WRN: variants seen among roughly 807,000 people sequenced by gnomAD.
WRN encodes the protein WRN RecQ like helicase.
In WRN, 149 loss-of-function variants were observed where a neutral mutation model predicts 180.7. The ratio of observed to expected loss-of-function variants is 0.82; its 90% CI spans 0.72 to 0.94. The LOEUF (loss-of-function observed/expected upper bound fraction) is 0.94. WRN is among the 40% of genes least tolerant of loss of function. The pLI is 0.00. For missense variants in WRN, 1,661 were observed against 1,700.1 expected (o/e 0.98, Z 0.40); for synonymous variants, 548 against 568.9 (o/e 0.96, Z 0.52).
At chr8:31,102,997 T>A (rs1563352690) in intron 18 of WRN, among the ~76,000 whole-genome samples, 1 of 152,154 alleles carries the variant, frequency 6.6e-6, no homozygotes, top group Non-Finnish European at 1.5e-5. Context: ...GGCTTTATTT[T>A]AAAATTTTAT....
chr8:31,096,870 C>CTCTGTAAATA lies in WRN; in HGVS notation c.1981+21_1981+30dup, dbSNP rs772196979. ...ATATTGGTAAGTGATAAAGAAAGAT[C>CTCTGTAAATA]TCTGTAAATACTTACTGAGTTAATA... On this transcript the variant is annotated intron_variant, in intron 17 of 34. Coordinates refer to ENST00000298139, the MANE Select transcript of WRN (RefSeq NM_000553.6). 3 of 1,598,618 alleles carry CTCTGTAAATA rather than the reference C, an allele frequency of 1.9e-6. No homozygotes were observed. The highest frequency in any genetic ancestry group is 2.6e-6 in the Non-Finnish European group (3 of 1,166,494).
Position 31,157,424 on chromosome 8 carries a change from C to T in WRN, c.3876C>T (p.Ser1292=), listed in dbSNP as rs746666880. ...LPLMTIGMHL[S]QAVKAGCPLD... ...TCATGACAATTGGCATGCACTTATCCCAAGCGGTGAAAGCTGGCTGCCCCC... is the reference window on the plus strand; with the variant it reads ...TCATGACAATTGGCATGCACTTATCTCAAGCGGTGAAAGCTGGCTGCCCCC... The change falls in exon 33 of 35, where the codon TCC becomes TCT. Residue 1292 remains serine (S), a synonymous_variant. Transcript: ENST00000298139. 4 of 1,614,068 alleles carry T rather than the reference C, an allele frequency of 2.5e-6. No homozygotes were observed. In the South Asian group the frequency reaches 4.4e-5, roughly 18 times the overall value.
At chr8:31,050,566 C>T (rs566527345) in intron 1 of WRN, among the ~76,000 whole-genome samples, 10 of 141,266 alleles carry the variant, frequency 7.1e-5, no homozygotes, top group African/African-American at 2.6e-4. Flanking sequence ...TCTTGATTTT[C>T]AGTCCAGATT....
chr8:31,075,720 A>AGG (rs202032803), intron 7 of WRN, among the ~76,000 whole-genome samples: 1 of 133,528 alleles, frequency 7.5e-6, no homozygotes, highest in African/African-American at 3.2e-5. Context: ...ACTCTGTCTC[A>AGG]AAAAAAAAAA....
intron 1 of WRN, among the ~76,000 whole-genome samples, chr8:31,049,334 C>A (rs942696066): frequency 4.0e-5 from 6 of 149,816 alleles, no homozygotes; most frequent in Admixed American, 2.0e-4. Flanking sequence ...GAGTTCAAGA[C>A]CAGCCTGGGC....
intron 1 of WRN, among the ~76,000 whole-genome samples, chr8:31,038,028 G>C (rs1811514038): frequency 6.6e-6 from 1 of 151,680 alleles, no homozygotes; most frequent in Admixed American, 6.6e-5. Context: ...TCCACCTTTT[G>C]GCTATTGTGA....
intron 1 of WRN, among the ~76,000 whole-genome samples, chr8:31,050,509 CT>C (rs60531883): frequency 0.036 from 4,833 of 133,068 alleles, 90 homozygotes; most frequent in African/African-American, 0.081. Flanking sequence ...GTTTTGGATA[CT>C]TTTTTTTTTT....
chr8:31,101,787 CAAAAAAAAAAAAA>C (rs60342321), intron 18 of WRN, among the ~76,000 whole-genome samples: 6 of 42,056 alleles, frequency 1.4e-4, no homozygotes, highest in South Asian at 1.0e-3. Context: ...AACTCTGTCT[CAAAAAAAAAAAAA>C]AAAAAAAAAA....
chr8:31,117,876 A>G (rs1457243583), intron 20 of WRN, among the ~76,000 whole-genome samples: 1 of 152,154 alleles, frequency 6.6e-6, no homozygotes, highest in African/African-American at 2.4e-5. Context: ...TTAGAATAGA[A>G]ATTTTATCCA....
intron 18 of WRN, among the ~76,000 whole-genome samples, chr8:31,103,652 T>C (rs1182713286): frequency 6.6e-6 from 1 of 152,236 alleles, no homozygotes; most frequent in Non-Finnish European, 1.5e-5. Context: ...TGAAGAACTT[T>C]TGGGTTGTTT....
intron 1 of WRN, among the ~76,000 whole-genome samples, chr8:31,036,361 A>G (rs1194810259): frequency 6.6e-6 from 1 of 152,162 alleles, no homozygotes; most frequent in Admixed American, 6.5e-5. Flanking sequence ...TACTGATTTC[A>G]TTTCCCTTGA....
intron 23 of WRN, among the ~76,000 whole-genome samples, chr8:31,126,403 CA>C (rs1346999825): frequency 6.6e-6 from 1 of 152,002 alleles, no homozygotes; most frequent in Non-Finnish European, 1.5e-5. Flanking sequence ...ATCCATGAGT[CA>C]AAGAGGAAGT....
chr8:31,048,373 C>G (rs552789650), intron 1 of WRN, among the ~76,000 whole-genome samples: 15 of 152,270 alleles, frequency 9.9e-5, no homozygotes, highest in Non-Finnish European at 2.2e-4. Flanking sequence ...CTGTTTTCCT[C>G]TACCCCTTCT....
intron 20 of WRN, 66 bp downstream of exon 20, chr8:31,116,594 A>G: frequency 6.3e-7 from 1 of 1,591,310 alleles, no homozygotes. Context: ...TCAAATGTTT[A>G]TTTACCAGAT....
intron 1 of WRN, among the ~76,000 whole-genome samples, chr8:31,035,198 A>G (rs997117529): frequency 6.6e-6 from 1 of 152,238 alleles, no homozygotes; most frequent in African/African-American, 2.4e-5. Context: ...TTTAGTGGAA[A>G]GAGACAGGCA....
intron 18 of WRN, among the ~76,000 whole-genome samples, chr8:31,109,806 T>G (rs1278171573): frequency 1.3e-5 from 2 of 152,178 alleles, no homozygotes; most frequent in East Asian, 3.9e-4. Context: ...ATCTAGTAAG[T>G]GGCAAAAACA....
Position 31,172,997 on chromosome 8 carries a change from T to C in WRN, c.4194T>C (p.Thr1398=). The C allele has an allele frequency of 6.2e-7, 1 of 1,613,592 alleles. No homozygotes were observed. The stretch of plus-strand genomic sequence containing the variant: ...CTTTTTCTTTCTATTTCCTACAGAC[T>C]TCATCTGCAGAGAGAAAGAGACGAT... ...SKEEVGINTE[T]SSAERKRRLP... Residue 1398 remains threonine, a splice_region_variant and synonymous_variant, in exon 35 of 35, where the codon ACT becomes ACC. Coordinates refer to ENST00000298139, the MANE Select transcript of WRN (RefSeq NM_000553.6).
intron 18 of WRN, among the ~76,000 whole-genome samples, chr8:31,109,828 C>G (rs531432816): frequency 2.6e-5 from 4 of 152,252 alleles, no homozygotes; most frequent in Admixed American, 2.6e-4. Flanking sequence ...GATTTCAGCT[C>G]AAGCAATCTG....
At chr8:31,165,614 T>C (rs2130509649) in intron 33 of WRN, among the ~76,000 whole-genome samples, 2 of 152,236 alleles carry the variant, frequency 1.3e-5, no homozygotes, top group Admixed American at 1.3e-4. Context: ...AGGTATGTAC[T>C]TTATATATAC....
Sources: gnomAD v4.1 joint callset for allele counts (sites outside exome capture counted in the v4.1 genomes callset) on GRCh38, gnomAD v4.1.1 for gene constraint, MANE v1.5 for transcripts, NCBI Gene and HGNC (gene_info 2026-07-23, HGNC 2026-07-21) for gene names.